KCNMA1: variants seen among roughly 807,000 people sequenced by gnomAD.
The protein encoded by KCNMA1 is potassium calcium-activated channel subfamily M alpha 1, also known as Calcium-activated potassium channel subunit alpha-1.
A neutral mutation model predicts 140.0 loss-of-function variants in KCNMA1; 29 were observed. The observed-to-expected ratio is 0.21, with a 90% confidence interval of 0.15 to 0.28. KCNMA1 has a LOEUF of 0.28. Ranked by LOEUF, KCNMA1 falls within the 10% of genes least tolerant of loss-of-function variation. The pLI is 1.00. For missense variants in KCNMA1, 880 were observed against 1,602.2 expected (o/e 0.55, Z 7.70); for synonymous variants, 612 against 611.9 (o/e 1.00, Z 0.00).
At chr10:77,466,203 TC>T (rs909604267) in intron 1 of KCNMA1, among the ~76,000 whole-genome samples, 1 of 152,122 alleles carries the variant, frequency 6.6e-6, no homozygotes, top group Non-Finnish European at 1.5e-5. Context: ...ACACCCACTC[TC>T]CCTCACTTCG....
At chr10:77,040,740 T>G (rs892883311) in intron 14 of KCNMA1, among the ~76,000 whole-genome samples, 1 of 152,216 alleles carries the variant, frequency 6.6e-6, no homozygotes, top group Non-Finnish European at 1.5e-5. Flanking sequence ...ATTTCTACTT[T>G]GCACAAAATG....
intron 1 of KCNMA1, among the ~76,000 whole-genome samples, chr10:77,611,420 T>C (rs778481050): frequency 3.9e-5 from 6 of 152,118 alleles, no homozygotes; most frequent in Non-Finnish European, 8.8e-5. Flanking sequence ...AGAAACTGGG[T>C]CCATGGAGAC....
chr10:77,427,279 C>T (rs561513764), intron 1 of KCNMA1, among the ~76,000 whole-genome samples: 21 of 152,228 alleles, frequency 1.4e-4, no homozygotes, highest in Non-Finnish European at 2.8e-4. Flanking sequence ...CAAAACAATG[C>T]TCACAGCAGA....
chr10:76,998,736 C>A (rs995578248), intron 19 of KCNMA1, among the ~76,000 whole-genome samples: 1 of 152,172 alleles, frequency 6.6e-6, no homozygotes, highest in Non-Finnish European at 1.5e-5. Context: ...AAATGGGCAC[C>A]ACCCAACTCC....
intron 2 of KCNMA1, among the ~76,000 whole-genome samples, chr10:77,300,620 T>G (rs1033445193): frequency 1.1e-4 from 16 of 152,214 alleles, no homozygotes; most frequent in African/African-American, 3.9e-4. Flanking sequence ...AAATCAATGG[T>G]GCATCTTTCT....
intron 2 of KCNMA1, among the ~76,000 whole-genome samples, chr10:77,393,313 T>G (rs1418611270): frequency 6.6e-6 from 1 of 152,156 alleles, no homozygotes; most frequent in Non-Finnish European, 1.5e-5. Flanking sequence ...GGATTTGTTC[T>G]TCACCCCCTG....
chr10:77,634,475 G>T, intron 1 of KCNMA1: 3 of 985,408 alleles, frequency 3.0e-6, no homozygotes, highest in Non-Finnish European at 3.6e-6. Flanking sequence ...TGATCAAAAA[G>T]GTTTGGTGCG....
intron 14 of KCNMA1, among the ~76,000 whole-genome samples, chr10:77,062,537 GTCA>G (rs2095795009): frequency 6.6e-6 from 1 of 152,094 alleles, no homozygotes; most frequent in South Asian, 2.1e-4. Flanking sequence ...CAACAAACCA[GTCA>G]TCATCTCCCT....
intron 20 of KCNMA1, among the ~76,000 whole-genome samples, chr10:76,962,789 A>C (rs888001908): frequency 7.9e-5 from 12 of 152,182 alleles, no homozygotes; most frequent in Admixed American, 7.9e-4. Context: ...AAACTAACTA[A>C]AGGAACTGAT....
intron 1 of KCNMA1, chr10:77,634,601 G>C: frequency 3.0e-6 from 3 of 985,284 alleles, no homozygotes; most frequent in Non-Finnish European, 3.6e-6. Context: ...TCTTGGGGCT[G>C]AAGGAGGGTG....
chr10:77,190,428 G>C (rs1393352212), intron 3 of KCNMA1, among the ~76,000 whole-genome samples: 1 of 152,174 alleles, frequency 6.6e-6, no homozygotes, highest in Non-Finnish European at 1.5e-5. Flanking sequence ...CTATGTGGTA[G>C]AGTTAGGATA....
rs2055311549 is a variant in KCNMA1, at chr10:77,525,646, ATG to A, written c.378+111617_378+111618del. 4.6e-5 allele frequency among the ~76,000 whole-genome samples: 7 copies of A among 152,294 alleles called. No homozygotes were observed. In the South Asian group the frequency reaches 1.5e-3, roughly 32 times the overall value. On this transcript the variant is annotated intron_variant, in intron 1 of 27. Transcript: ENST00000286628. ...CTCATTCCTGGAGCTCAGTTTCTTC[ATG>A]TGTAAAATGAAAGGATTGAAGAAGA...
intron 1 of KCNMA1, among the ~76,000 whole-genome samples, chr10:77,598,671 G>A (rs1940251655): frequency 6.6e-6 from 1 of 152,214 alleles, no homozygotes; most frequent in Non-Finnish European, 1.5e-5. Context: ...CAGTGTGGAG[G>A]GGAGGGGAGA....
intron 19 of KCNMA1, among the ~76,000 whole-genome samples, chr10:76,996,004 C>G (rs937758613): frequency 6.6e-6 from 1 of 152,192 alleles, no homozygotes; most frequent in Non-Finnish European, 1.5e-5. Flanking sequence ...CTTTCATCTA[C>G]CTGCAGTACA....
chr10:77,101,846 G>C (rs2097104980), intron 9 of KCNMA1, among the ~76,000 whole-genome samples: 1 of 152,358 alleles, frequency 6.6e-6, no homozygotes, highest in Non-Finnish European at 1.5e-5. Flanking sequence ...GAAAAGGCCT[G>C]TGGATCGGCC....
At chr10:77,040,071 A>G (rs142048671) in intron 14 of KCNMA1, among the ~76,000 whole-genome samples, 2 of 149,806 alleles carry the variant, frequency 1.3e-5, no homozygotes, top group African/African-American at 4.9e-5. Context: ...TAAGAGACAG[A>G]GTCTTGCTAT....
chr10:76,920,586 A>G (rs747072683), intron 23 of KCNMA1, among the ~76,000 whole-genome samples: 1 of 152,178 alleles, frequency 6.6e-6, no homozygotes, highest in Non-Finnish European at 1.5e-5. Flanking sequence ...TTTATTCCTC[A>G]TAACAGTCCC....
chr10:77,429,461 C>T (rs1236453411), intron 1 of KCNMA1, among the ~76,000 whole-genome samples: 1 of 152,194 alleles, frequency 6.6e-6, no homozygotes, highest in Admixed American at 6.5e-5. Context: ...CCCTCGAGGG[C>T]AAAATCGCCA....
chr10:76,894,579 T>C (rs2041689225), intron 25 of KCNMA1, among the ~76,000 whole-genome samples: 3 of 152,196 alleles, frequency 2.0e-5, no homozygotes, highest in African/African-American at 7.2e-5. Context: ...GCAAATCATA[T>C]GTCTGATAAG....
Sources: gnomAD v4.1 joint callset for allele counts (sites outside exome capture counted in the v4.1 genomes callset) on GRCh38, gnomAD v4.1.1 for gene constraint, MANE v1.5 for transcripts, NCBI Gene and HGNC (gene_info 2026-07-23, HGNC 2026-07-21) for gene names.